CDCA8: variants seen among roughly 807,000 people sequenced by gnomAD.
CDCA8 encodes borealin.
Under a neutral mutation model 40.0 loss-of-function variants are expected in CDCA8, and 25 were observed. The observed-to-expected ratio is 0.63, with a 90% CI of 0.46 to 0.87. The LOEUF (loss-of-function observed/expected upper bound fraction) is 0.87. CDCA8 is among the 40% of genes least tolerant of loss of function. CDCA8 has a pLI of 0.00. For synonymous variants in CDCA8, 111 were observed against 126.5 expected, an observed-to-expected ratio of 0.88 and a Z score of 0.82; for missense variants, 280 against 348.4, an observed-to-expected ratio of 0.80 and a Z score of 1.56.
In CDCA8 at chr1:37,708,362, A is replaced by T. The variant is rs1279936358; in HGVS notation, c.839A>T (p.Lys280Ile). Residue 280 changes from lysine (K) to isoleucine (I), a missense_variant, in exon 10 of 10, where the codon AAA (lysine) becomes ATA (isoleucine). Physicochemically the swap from Lys to Ile is moderately radical, Grantham distance 102. Transcript: ENST00000373055. ...ATCTGCAGCAGCATACGGACCCACA[A>T]ATGAGACACCAAAGTTGACAGGATG... Reference protein sequence around the residue: ...AQICSSIRTHK With the variant: ...AQICSSIRTHI The T allele has an allele frequency of 6.2e-7, 1 of 1,614,070 alleles. No homozygotes were observed. The highest frequency in any genetic ancestry group is 1.1e-5 in the South Asian group (1 of 91,086).
chr1:37,706,296 T>TG (rs1214195813), intron 8 of CDCA8, among the ~76,000 whole-genome samples: 6 of 152,026 alleles, frequency 3.9e-5, no homozygotes, highest in African/African-American at 1.4e-4. Context: ...TTAGTAGAGA[T>TG]GGTGTTTCAC....
rs1190188162 is a variant in CDCA8 at position 37,692,553 on chromosome 1, G to C, written c.-138G>C. On this transcript the variant is annotated 5_prime_UTR_variant, in exon 1 of 10. Transcript: ENST00000373055. Reference sequence around the variant, plus strand: ...TCTCTCACTGGCACAGCGAGGTTTTGCTCAGCCCTTGTCTCGGGACCGCAG... The same window carrying C: ...TCTCTCACTGGCACAGCGAGGTTTTCCTCAGCCCTTGTCTCGGGACCGCAG... The C allele has an allele frequency of 3.0e-5, 21 of 691,058 alleles. No individual in the cohort carries two copies. In the East Asian group the frequency reaches 5.7e-4, roughly 19 times the overall value. The allele number at this position is 691,058 out of a possible 1,614,324, so 42.8% of individuals were successfully genotyped here.
At chr1:37,695,833 T>C (rs1645522491) in intron 2 of CDCA8, 77 bp from the exon 3 acceptor site, 2 of 1,361,792 alleles carry the variant, frequency 1.5e-6, no homozygotes, top group African/African-American at 2.9e-5. Context: ...GGACCAGTTT[T>C]AGAAAGATAA....
In CDCA8 at chr1:37,692,579, G is replaced by T. The variant is rs1348141002; in HGVS notation, c.-112G>T. ...CTCAGCCCTTGTCTCGGGACCGCAGGTACGTGCCTGGCGACTTCTTCGGGT... is the reference window on the plus strand; with the variant it reads ...CTCAGCCCTTGTCTCGGGACCGCAGTTACGTGCCTGGCGACTTCTTCGGGT... On this transcript the variant is annotated 5_prime_UTR_variant, in exon 1 of 10. Coordinates refer to ENST00000373055, the MANE Select transcript of CDCA8 (RefSeq NM_001256875.2). 2.5e-6 allele frequency: 2 copies of T among 813,552 alleles called. No individual in the cohort carries two copies. The highest frequency in any genetic ancestry group is 3.5e-4 in the Middle Eastern group (1 of 2,888). The allele number at this position is 813,552 out of a possible 1,614,324, so 50.4% of individuals were successfully genotyped here.
In CDCA8 at chr1:37,703,247, T is replaced by C; in HGVS notation, c.489-5T>C. ...GCATACCTGATGGCCATTTCTTACC[T>C]GTAGGTCAAGCCGTGCTAACACTGT... On this transcript the variant is annotated splice_region_variant and splice_polypyrimidine_tract_variant and intron_variant, in intron 6 of 9. Transcript: ENST00000373055. 6.2e-7 allele frequency: 1 copy of C among 1,611,284 alleles called. No individual in the cohort carries two copies. The highest frequency in any genetic ancestry group is 8.5e-7 in the Non-Finnish European group (1 of 1,178,008).
intron 7 of CDCA8, among the ~76,000 whole-genome samples, chr1:37,704,232 G>C (rs1001604077): frequency 1.3e-5 from 2 of 152,092 alleles, no homozygotes; most frequent in African/African-American, 4.8e-5. Flanking sequence ...ATCACACCCG[G>C]CCTCAAATCA....
chr1:37,708,422 A>C lies in CDCA8; in HGVS notation c.*56A>C. 1 of 1,486,782 alleles carries C rather than the reference A, an allele frequency of 6.7e-7. No homozygotes were observed. Among genetic ancestry groups the C allele is most frequent in the Non-Finnish European group, 9.4e-7 (1 of 1,064,612 alleles). 92.1% of individuals were successfully genotyped at this position (1,486,782 alleles called of 1,614,324 possible). ...TGGGCACTTCTGGGACCCTGAAGAGACTTCTTCCCTTCAGGCTTATTGTTT... is the reference window on the plus strand; with the variant it reads ...TGGGCACTTCTGGGACCCTGAAGAGCCTTCTTCCCTTCAGGCTTATTGTTT... On this transcript the variant is annotated 3_prime_UTR_variant, in exon 10 of 10. Transcript: ENST00000373055.
chr1:37,695,298 C>T (rs1383216948), intron 2 of CDCA8, among the ~76,000 whole-genome samples: 1 of 144,502 alleles, frequency 6.9e-6, no homozygotes, highest in Non-Finnish European at 1.5e-5. Flanking sequence ...GAGGCCAAGG[C>T]AGGAGTATCA....
chr1:37,697,909 A>G (rs904618262), intron 3 of CDCA8, among the ~76,000 whole-genome samples: 1 of 152,256 alleles, frequency 6.6e-6, no homozygotes, highest in African/African-American at 2.4e-5. Context: ...AGTCCCTACC[A>G]GAAATGAAAC....
Sources: allele counts gnomAD v4.1 joint callset (sites outside exome capture counted in the v4.1 genomes callset), GRCh38; gene constraint gnomAD v4.1.1; transcripts MANE v1.5; gene names NCBI Gene and HGNC (gene_info 2026-07-23, HGNC 2026-07-21).